PPP1R37: variants seen among roughly 807,000 people sequenced by gnomAD.
The protein encoded by PPP1R37 is protein phosphatase 1 regulatory subunit 37.
In PPP1R37, 21 loss-of-function variants were observed where a neutral mutation model predicts 61.0. That is an observed-to-expected ratio of 0.34 (90% CI 0.24 to 0.50). The LOEUF (loss-of-function observed/expected upper bound fraction) is 0.50, where lower values mean the gene tolerates loss of function less well. PPP1R37 is among the 20% of genes least tolerant of loss of function. The pLI is 0.98. For synonymous variants in PPP1R37, 443 were observed against 433.5 expected (o/e 1.02, Z -0.27); for missense variants, 910 against 952.7 (o/e 0.96, Z 0.59).
intron 1 of PPP1R37, among the ~76,000 whole-genome samples, chr19:45,107,159 C>T (rs1968142731): frequency 1.3e-5 from 2 of 151,648 alleles, no homozygotes; most frequent in African/African-American, 4.8e-5. Context: ...ACTTGTGTAT[C>T]TTCTTTGGAG....
chr19:45,104,229 G>C (rs192362621), intron 1 of PPP1R37, among the ~76,000 whole-genome samples: 1 of 152,130 alleles, frequency 6.6e-6, no homozygotes. Context: ...GCGCCTCCTC[G>C]CTCTGTTGTT....
chr19:45,127,699 G>A (rs1275800687), intron 1 of PPP1R37, among the ~76,000 whole-genome samples: 6 of 152,016 alleles, frequency 3.9e-5, no homozygotes, highest in African/African-American at 7.2e-5. Flanking sequence ...TGTTTGGGCC[G>A]GGCGCGGTGG....
intron 1 of PPP1R37, among the ~76,000 whole-genome samples, chr19:45,102,745 A>G (rs148866438): frequency 9.4e-4 from 142 of 151,796 alleles, no homozygotes; most frequent in African/African-American, 3.2e-3. Context: ...GGACTCTCTC[A>G]AAGTTTTTAG....
In PPP1R37 at chr19:45,145,482, G is replaced by A; in HGVS notation, c.1426G>A (p.Glu476Lys). The change falls in exon 11 of 13, where the codon GAG (glutamate) becomes AAG (lysine). Residue 476 changes from glutamate (E) to lysine (K), a missense_variant. Physicochemically the swap from Glu to Lys is moderately conservative, Grantham distance 56. This residue lies in a region of PPP1R37 where 549 missense variants were observed against 505.1 expected (regional missense o/e 1.09). Coordinates refer to ENST00000221462, the MANE Select transcript of PPP1R37 (RefSeq NM_019121.2). The stretch of plus-strand genomic sequence containing the variant: ...GCCACAGCTGTCGGCCTCCATGCCT[G>A]AGACCACCGCCACCGAGCCCCAGCC... ...QPPQLSASMPETTATEPQPDD... is the reference protein window; with the variant it reads ...QPPQLSASMPKTTATEPQPDD... 1 of 1,534,820 alleles carries A rather than the reference G, an allele frequency of 6.5e-7. No individual in the cohort carries two copies. Among genetic ancestry groups the A allele is most frequent in the South Asian group, 1.2e-5 (1 of 84,012 alleles).
chr19:45,093,904 G>A (rs1188617077), intron 1 of PPP1R37, among the ~76,000 whole-genome samples: 1 of 152,248 alleles, frequency 6.6e-6, no homozygotes, highest in Admixed American at 6.5e-5. Flanking sequence ...CACTGGGCCT[G>A]AAAGGGCAGT....
chr19:45,102,689 C>A (rs945602269), intron 1 of PPP1R37, among the ~76,000 whole-genome samples: 1 of 152,236 alleles, frequency 6.6e-6, no homozygotes, highest in Non-Finnish European at 1.5e-5. Context: ...GTCCCTTGAC[C>A]TCCCTGGACC....
intron 1 of PPP1R37, among the ~76,000 whole-genome samples, chr19:45,131,820 G>C (rs58600209): frequency 0.034 from 5,224 of 152,250 alleles, 303 homozygotes; most frequent in African/African-American, 0.12. Context: ...CCATCATCAC[G>C]TTTTTCTCCA....
intron 7 of PPP1R37, chr19:45,142,880 G>A (rs1256921732): frequency 1.0e-5 from 2 of 200,814 alleles, no homozygotes; most frequent in Admixed American, 1.1e-4. Context: ...AGCAGAACCA[G>A]CCTTGTGAGA....
At chr19:45,143,718 G>T (rs1266220112) in intron 8 of PPP1R37, 85 bp downstream of exon 8, 1 of 744,218 alleles carries the variant, frequency 1.3e-6, no homozygotes, top group Non-Finnish European at 2.3e-6. Flanking sequence ...GCCTCTAGCT[G>T]ACGGCTCCTG....
At chr19:45,102,463 C>T (rs945704606) in intron 1 of PPP1R37, among the ~76,000 whole-genome samples, 2 of 152,208 alleles carry the variant, frequency 1.3e-5, no homozygotes, top group East Asian at 1.9e-4. Flanking sequence ...AAATTAGCCT[C>T]TACTTGGAAA....
intron 1 of PPP1R37, among the ~76,000 whole-genome samples, chr19:45,118,613 C>T (rs10419525): frequency 2.0e-5 from 3 of 152,174 alleles, no homozygotes; most frequent in Non-Finnish European, 4.4e-5. Context: ...TCAGTGGACT[C>T]CCTGCCGAAC....
intron 1 of PPP1R37, among the ~76,000 whole-genome samples, chr19:45,106,172 A>G (rs1050359006): frequency 6.6e-6 from 1 of 152,148 alleles, no homozygotes; most frequent in African/African-American, 2.4e-5. Flanking sequence ...CACTTACCCA[A>G]GGATGCCCTG....
At chr19:45,106,199 T>A (rs563106075) in intron 1 of PPP1R37, among the ~76,000 whole-genome samples, 9 of 151,396 alleles carry the variant, frequency 5.9e-5, no homozygotes, top group Non-Finnish European at 1.3e-4. Context: ...GGGTCCAGGC[T>A]CCTGCTGCTC....
intron 2 of PPP1R37, 47 bp from the exon 3 acceptor site, chr19:45,140,189 C>A: frequency 6.7e-7 from 1 of 1,503,756 alleles, no homozygotes; most frequent in African/African-American, 1.4e-5. Flanking sequence ...CTCGGCTGCC[C>A]CCCTGTTCAA....
intron 1 of PPP1R37, among the ~76,000 whole-genome samples, chr19:45,127,611 A>G (rs1968423615): frequency 1.3e-5 from 2 of 152,206 alleles, no homozygotes; most frequent in Admixed American, 1.3e-4. Flanking sequence ...TATGCGGCTT[A>G]TGACTAGACC....
intron 1 of PPP1R37, among the ~76,000 whole-genome samples, chr19:45,132,761 G>T (rs1257465245): frequency 6.6e-6 from 1 of 152,126 alleles, no homozygotes; most frequent in Non-Finnish European, 1.5e-5. Flanking sequence ...TAGAGACAAG[G>T]TCTCCCTATG....
Position 45,125,629 on chromosome 19 carries a change from C to T in PPP1R37, c.203-12885C>T, listed in dbSNP as rs189018074. On this transcript the variant is annotated intron_variant, in intron 1 of 12. Transcript: ENST00000221462. ...CTTTCCTGAGAGTTCCATCTCAGGG[C>T]GTAGGACCGGCTGTGGCTGGCTCTG... 2.2e-3 allele frequency among the ~76,000 whole-genome samples: 331 copies of T among 152,312 alleles called. 1 individual carries two copies. Among genetic ancestry groups the T allele is most frequent in the African/African-American group, 7.6e-3 (314 of 41,568 alleles).
At chr19:45,129,000 G>A in intron 1 of PPP1R37, 1 of 830,958 alleles carries the variant, frequency 1.2e-6, no homozygotes, top group Non-Finnish European at 2.0e-6. Flanking sequence ...GACAGAGGAG[G>A]CAGCTGTTGC....
At chr19:45,097,189 G>A (rs527882830) in intron 1 of PPP1R37, among the ~76,000 whole-genome samples, 1 of 152,038 alleles carries the variant, frequency 6.6e-6, no homozygotes, top group Non-Finnish European at 1.5e-5. Flanking sequence ...CTTGGTCTTG[G>A]AACAGAGGTA....
Sources: gnomAD v4.1 joint callset for allele counts (sites outside exome capture counted in the v4.1 genomes callset) on GRCh38, gnomAD v4.1.1 for gene constraint, gnomAD v4.1.1 regional missense constraint, MANE v1.5 for transcripts, NCBI Gene and HGNC (gene_info 2026-07-23, HGNC 2026-07-21) for gene names.